Variants in LGMN observed in about 807,000 individuals in gnomAD.
LGMN encodes the protein asparaginyl endopeptidase.
LGMN carries 36 observed loss-of-function variants against 56.8 expected under a neutral mutation model. The ratio of observed to expected loss-of-function variants is 0.63; its 90% CI spans 0.49 to 0.84. LGMN has a LOEUF of 0.84. LGMN is among the 40% of genes least tolerant of loss of function. LGMN has a pLI of 0.00. For missense variants in LGMN, 446 were observed against 556.1 expected (o/e 0.80, Z 1.99); for synonymous variants, 199 against 210.1 (o/e 0.95, Z 0.46).
chr14:92,715,905 T>C, intron 5 of LGMN: 1 of 324,894 alleles, frequency 3.1e-6, no homozygotes, highest in Middle Eastern at 9.4e-4. Context: ...AACATTTTAT[T>C]AATAATGAGG....
intron 13 of LGMN, 96 bp from the exon 14 acceptor site, chr14:92,704,457 C>G: frequency 9.1e-7 from 1 of 1,103,472 alleles, no homozygotes; most frequent in Non-Finnish European, 1.4e-6. Context: ...GCAGTTATGA[C>G]AGGCCCGCCC....
chr14:92,718,956 G>T lies in LGMN; in HGVS notation c.139-112C>A, dbSNP rs554879957. The T allele has an allele frequency of 3.6e-4, 222 of 623,284 alleles. 1 individual carries two copies. Among genetic ancestry groups the T allele is most frequent in the Non-Finnish European group, 5.4e-4 (185 of 342,904 alleles). The allele number at this position is 623,284 out of a possible 1,614,324, so 38.6% of individuals were successfully genotyped here. A position where few individuals can be genotyped will look rare whatever the true frequency, so the allele number is the denominator to read the frequency against. On this transcript the variant is annotated intron_variant, in intron 2 of 13. Transcript: ENST00000334869. ...AAGACTTACTGTGAATCATCCCGTCGGTCAGGCATTTAAATTATTATTTTA... is the reference window on the plus strand; with the variant it reads ...AAGACTTACTGTGAATCATCCCGTCTGTCAGGCATTTAAATTATTATTTTA...
intron 3 of LGMN, among the ~76,000 whole-genome samples, chr14:92,717,751 C>T (rs1369270743): frequency 1.3e-5 from 2 of 152,148 alleles, no homozygotes; most frequent in African/African-American, 2.4e-5. Context: ...CAGAGAGCAT[C>T]GTGAGGGCAA....
intron 5 of LGMN, among the ~76,000 whole-genome samples, chr14:92,715,494 G>A (rs1371297296): frequency 6.6e-6 from 1 of 152,198 alleles, no homozygotes; most frequent in Non-Finnish European, 1.5e-5. Context: ...GGGATTACAG[G>A]CGTGAGCCAC....
chr14:92,732,224 C>T (rs115988073), intron 2 of LGMN, among the ~76,000 whole-genome samples: 2,389 of 152,214 alleles, frequency 0.016, 19 homozygotes, highest in Non-Finnish European at 0.024. Flanking sequence ...CACTGGGCGA[C>T]GTCTGGAGAA....
intron 6 of LGMN, 87 bp from the exon 7 acceptor site, chr14:92,713,972 T>C: frequency 5.1e-6 from 5 of 988,850 alleles, no homozygotes; most frequent in Non-Finnish European, 8.2e-6. Flanking sequence ...TGATCCTTCA[T>C]AAACTCTTTT....
At chr14:92,713,986 C>A in intron 6 of LGMN, 101 bp from the exon 7 acceptor site, 2 of 883,716 alleles carry the variant, frequency 2.3e-6, no homozygotes, top group South Asian at 2.7e-5. Context: ...CTCTTTTCTA[C>A]CAATCCCTAG....
chr14:92,719,338 A>ACCGCCG (rs1566924751), intron 2 of LGMN, among the ~76,000 whole-genome samples: 2 of 67,562 alleles, frequency 3.0e-5, no homozygotes, highest in African/African-American at 1.4e-4. Flanking sequence ...CGCCACCGCC[A>ACCGCCG]TCACCGCCAC....
chr14:92,741,285 C>T (rs555574373), intron 1 of LGMN: 93 of 152,126 alleles, frequency 6.1e-4, no homozygotes, highest in African/African-American at 2.1e-3. Flanking sequence ...GTGCCCATTC[C>T]AGATAAATTA....
chr14:92,709,623 C>G (rs1348587638), intron 11 of LGMN, 49 bp downstream of exon 11: 3 of 1,520,894 alleles, frequency 2.0e-6, no homozygotes, highest in Non-Finnish European at 2.7e-6. Context: ...ATGCTGCCCA[C>G]CTGGGCTGGG....
At position 92,717,398 on chromosome 14, in the gene LGMN, C is replaced by A; in HGVS notation, c.300G>T (p.Pro100=). Residue 100 remains proline, a synonymous_variant, in exon 4 of 14, where the codon CCG becomes CCT. Coordinates refer to ENST00000334869, the MANE Select transcript of LGMN (RefSeq NM_005606.7). Reference sequence around the variant, plus strand: ...CACTCACCTCTCCAGTGTAGTCCTTCGGGACTCCCTGATAGACATCTGTGC... The same window carrying A: ...CACTCACCTCTCCAGTGTAGTCCTTAGGGACTCCCTGATAGACATCTGTGC... ...PNGTDVYQGV[P]KDYTGEDVTP... 6.2e-7 allele frequency: 1 copy of A among 1,611,264 alleles called. No homozygotes were observed. Among genetic ancestry groups the A allele is most frequent in the Non-Finnish European group, 8.5e-7 (1 of 1,177,726 alleles).
Position 92,705,208 on chromosome 14 carries a change from A to T in LGMN, c.1192-501T>A, listed in dbSNP as rs4904977. On this transcript the variant is annotated intron_variant, in intron 12 of 13. Coordinates refer to ENST00000334869, the MANE Select transcript of LGMN (RefSeq NM_005606.7). The stretch of plus-strand genomic sequence containing the variant: ...ACTGTGCATGACTCCAAAGGTCAAA[A>T]GACCAAGACTGGGCCGGGTGCGGTG... 2.6e-5 allele frequency among the ~76,000 whole-genome samples: 4 copies of T among 151,996 alleles called. No homozygotes were observed. In the East Asian group the frequency reaches 5.8e-4, roughly 22 times the overall value.
At chr14:92,741,381 C>T (rs908114270) in intron 1 of LGMN, 4 of 152,124 alleles carry the variant, frequency 2.6e-5, no homozygotes, top group African/African-American at 9.7e-5. Flanking sequence ...GATACCAAAG[C>T]CTACACCTTA....
chr14:92,723,509 C>T (rs933975354), intron 2 of LGMN, among the ~76,000 whole-genome samples: 1 of 152,184 alleles, frequency 6.6e-6, no homozygotes, highest in Non-Finnish European at 1.5e-5. Flanking sequence ...GTGGTCTATC[C>T]ATACAATGGA....
Position 92,729,166 on chromosome 14 carries a change from G to C in LGMN, c.138+3483C>G, listed in dbSNP as rs1235056917. Among the ~76,000 whole-genome samples, 9 of 132,636 alleles carry C rather than the reference G, an allele frequency of 6.8e-5. No individual in the cohort carries two copies. The East Asian group carries it at 1.7e-3, about 25-fold the overall frequency. The allele number at this position is 132,636 out of a possible 152,430, so 87.0% of individuals were successfully genotyped here. On this transcript the variant is annotated intron_variant, in intron 2 of 13. Transcript: ENST00000334869. ...TTTTTTTTGTTCGTTCTGGGATTGC[G>C]CCACACTTCCCAGGTGCCTGCGCAC... is the stretch of plus-strand genomic sequence containing the variant.
rs369113789 is a variant in LGMN at position 92,711,840 on chromosome 14, G to A, written c.726C>T (p.Asp242=). Residue 242 remains aspartate (D), a synonymous_variant, in exon 9 of 14, where the codon GAC becomes GAT. Transcript: ENST00000334869. The stretch of plus-strand genomic sequence containing the variant: ...AGCCAGCCCCCAAAGGGCTCACCAC[G>A]TCCGAATCTTCCATCCAGTTGACGC... ...WYSVNWMEDS[D]VEDLTKETLH... is the part of the protein sequence containing the mutation. 45 of 1,611,194 alleles carry A rather than the reference G, an allele frequency of 2.8e-5. No individual in the cohort carries two copies. In the Admixed American group the frequency reaches 4.2e-4, roughly 15 times the overall value.
At chr14:92,723,461 C>T (rs989640072) in intron 2 of LGMN, among the ~76,000 whole-genome samples, 3 of 152,282 alleles carry the variant, frequency 2.0e-5, no homozygotes, top group Admixed American at 6.5e-5. Context: ...TTGGAAACAA[C>T]CCAAATGTCC....
chr14:92,728,783 C>A (rs1890871828), intron 2 of LGMN, among the ~76,000 whole-genome samples: 1 of 152,178 alleles, frequency 6.6e-6, no homozygotes, highest in African/African-American at 2.4e-5. Context: ...AATCTCAGCT[C>A]CACCCCTTAC....
intron 2 of LGMN, among the ~76,000 whole-genome samples, chr14:92,724,814 C>T (rs112392054): frequency 6.6e-6 from 1 of 152,304 alleles, no homozygotes; most frequent in African/African-American, 2.4e-5. Context: ...GTCAGCTAAA[C>T]AAAGACAAGT....
Sources: allele counts gnomAD v4.1 joint callset (sites outside exome capture counted in the v4.1 genomes callset), GRCh38; gene constraint gnomAD v4.1.1; transcripts MANE v1.5; gene names NCBI Gene and HGNC (gene_info 2026-07-23, HGNC 2026-07-21).